Variants in BCAR3 observed in about 807,000 individuals in gnomAD.
BCAR3 encodes breast cancer anti-estrogen resistance protein 3.
BCAR3 carries 37 observed loss-of-function variants against 80.1 expected under a neutral mutation model. The ratio of observed to expected loss-of-function variants is 0.46; its 90% confidence interval spans 0.36 to 0.61. The LOEUF is 0.61. Ranked by LOEUF, BCAR3 falls within the 20% of genes least tolerant of loss-of-function variation. BCAR3 has a pLI of 0.00. For missense variants in BCAR3, 978 were observed against 1,068.2 expected (o/e 0.92, Z 1.18); for synonymous variants, 389 against 418.9 (o/e 0.93, Z 0.87).
chr1:93,655,533 T>C (rs1647338799), intron 2 of BCAR3, among the ~76,000 whole-genome samples: 1 of 152,240 alleles, frequency 6.6e-6, no homozygotes, highest in Non-Finnish European at 1.5e-5. Flanking sequence ...AGATCATGCC[T>C]GGCACATGGC....
At chr1:93,605,682 C>A (rs577585101) in intron 3 of BCAR3, 1 of 152,360 alleles carries the variant, frequency 6.6e-6, no homozygotes, top group South Asian at 2.1e-4. Flanking sequence ...ATCTGGAACA[C>A]AGCTATTCAT....
At chr1:93,644,678 A>G (rs1676098606) in intron 2 of BCAR3, among the ~76,000 whole-genome samples, 1 of 152,190 alleles carries the variant, frequency 6.6e-6, no homozygotes, top group Non-Finnish European at 1.5e-5. Context: ...TTCATTGACA[A>G]TAATTTGATG....
At chr1:93,781,822 A>C (rs1207568963) in intron 2 of BCAR3, among the ~76,000 whole-genome samples, 1 of 152,118 alleles carries the variant, frequency 6.6e-6, no homozygotes, top group African/African-American at 2.4e-5. Flanking sequence ...TCCCCACTTT[A>C]AGATTTATCT....
In BCAR3 at chr1:93,567,771, C is replaced by T. The variant is rs1673017591; in HGVS notation, c.2055G>A (p.Lys685=). ...QTAILYEKQL[K]PFSKLLHEGR... is the part of the protein sequence containing the mutation. ...CTTCATGCAGGAGTTTGCTGAAGGGCTTCAGCTGTTTCTCATAGAGAATGG... is the reference window on the plus strand; with the variant it reads ...CTTCATGCAGGAGTTTGCTGAAGGGTTTCAGCTGTTTCTCATAGAGAATGG... The change falls in exon 10 of 12, where the codon AAG becomes AAA. Residue 685 remains lysine, a synonymous_variant. Transcript: ENST00000260502. 2 of 1,614,114 alleles carry T rather than the reference C, an allele frequency of 1.2e-6. No individual in the cohort carries two copies. Among genetic ancestry groups the T allele is most frequent in the Admixed American group, 1.7e-5 (1 of 60,010 alleles).
intron 1 of BCAR3, among the ~76,000 whole-genome samples, chr1:93,678,621 C>G (rs1648603428): frequency 6.6e-6 from 1 of 152,144 alleles, no homozygotes; most frequent in Admixed American, 6.5e-5. Flanking sequence ...CCAACCTATA[C>G]AAACAAGAAA....
intron 2 of BCAR3, among the ~76,000 whole-genome samples, chr1:93,650,840 A>G (rs1270857100): frequency 6.6e-6 from 1 of 152,126 alleles, no homozygotes; most frequent in East Asian, 1.9e-4. Context: ...CAAGTAGAAG[A>G]TGGGAAAGAT....
intron 2 of BCAR3, among the ~76,000 whole-genome samples, chr1:93,811,533 C>T (rs970904070): frequency 2.6e-5 from 4 of 152,172 alleles, no homozygotes; most frequent in African/African-American, 9.7e-5. Context: ...CTTCCCTTTC[C>T]TTTATGCTTC....
At chr1:93,717,603 C>T (rs1046218127) in intron 2 of BCAR3, among the ~76,000 whole-genome samples, 1 of 151,530 alleles carries the variant, frequency 6.6e-6, no homozygotes, top group Admixed American at 6.6e-5. Context: ...TGGCATGTGC[C>T]TGTAATCTCA....
intron 2 of BCAR3, among the ~76,000 whole-genome samples, chr1:93,654,943 A>G (rs1341278414): frequency 6.6e-6 from 1 of 152,176 alleles, no homozygotes; most frequent in Non-Finnish European, 1.5e-5. Flanking sequence ...CTCAGGGTCT[A>G]TCTTTCCCCT....
chr1:93,818,156 C>G (rs189230137), intron 2 of BCAR3, among the ~76,000 whole-genome samples: 1 of 152,320 alleles, frequency 6.6e-6, no homozygotes, highest in Admixed American at 6.5e-5. Context: ...TCTTTGAGTG[C>G]CAAGTGTCTC....
At chr1:93,767,952 T>C (rs1465041704) in intron 2 of BCAR3, among the ~76,000 whole-genome samples, 1 of 151,196 alleles carries the variant, frequency 6.6e-6, no homozygotes, top group Non-Finnish European at 1.5e-5. Context: ...ATATTTCTAG[T>C]AGTGGAAAAC....
At chr1:93,722,760 CT>C (rs1650447549) in intron 2 of BCAR3, among the ~76,000 whole-genome samples, 1 of 152,058 alleles carries the variant, frequency 6.6e-6, no homozygotes, top group South Asian at 2.1e-4. Context: ...TATGTTTGTG[CT>C]TTGATTGCTG....
intron 8 of BCAR3, among the ~76,000 whole-genome samples, chr1:93,573,380 A>G (rs2101811612): frequency 7.0e-6 from 1 of 143,624 alleles, no homozygotes; most frequent in Middle Eastern, 3.6e-3. Flanking sequence ...GGGTAACTAG[A>G]GAGACTATCT....
upstream of BCAR3, chr1:93,847,665 T>C (rs1014608491): frequency 3.9e-5 from 6 of 152,544 alleles, no homozygotes; most frequent in Non-Finnish European, 7.3e-5. Context: ...TCGTAACGCT[T>C]TTTTCCCTCC....
intron 3 of BCAR3, among the ~76,000 whole-genome samples, chr1:93,631,780 T>C (rs779988168): frequency 2.6e-5 from 4 of 152,200 alleles, no homozygotes; most frequent in Non-Finnish European, 5.9e-5. Context: ...TCTGGTCTTA[T>C]TCCTCTCACT....
At chr1:93,639,927 C>A (rs1675926423) in intron 3 of BCAR3, among the ~76,000 whole-genome samples, 1 of 152,070 alleles carries the variant, frequency 6.6e-6, no homozygotes, top group South Asian at 2.1e-4. Context: ...ATTCTGGAGT[C>A]AAAATGGATC....
At chr1:93,761,308 C>G (rs528815176) in intron 2 of BCAR3, among the ~76,000 whole-genome samples, 1 of 152,284 alleles carries the variant, frequency 6.6e-6, no homozygotes, top group South Asian at 2.1e-4. Flanking sequence ...AAGTTGGAAC[C>G]AGTGAACACA....
intron 3 of BCAR3, among the ~76,000 whole-genome samples, chr1:93,690,494 T>C (rs1557655562): frequency 6.6e-6 from 1 of 152,200 alleles, no homozygotes. Flanking sequence ...TATAGCAATA[T>C]GTAAAGGAGC....
intron 2 of BCAR3, among the ~76,000 whole-genome samples, chr1:93,665,642 A>T (rs532408854): frequency 6.6e-6 from 1 of 152,176 alleles, no homozygotes; most frequent in South Asian, 2.1e-4. Flanking sequence ...TCCTAACTTT[A>T]TACCTTTCAG....
Sources: allele counts gnomAD v4.1 joint callset (sites outside exome capture counted in the v4.1 genomes callset), GRCh38; gene constraint gnomAD v4.1.1; transcripts MANE v1.5; gene names NCBI Gene and HGNC (gene_info 2026-07-23, HGNC 2026-07-21).